The following MAGI2 variants were observed in gnomAD, a reference collection of about 807,000 sequenced individuals.
The protein encoded by MAGI2 is membrane associated guanylate kinase, WW and PDZ domain containing 2.
MAGI2 carries 35 observed loss-of-function variants against 133.3 expected under a neutral mutation model. That is an observed-to-expected ratio of 0.26 (90% confidence interval 0.20 to 0.35). The LOEUF is 0.35. MAGI2 is among the 10% of genes least tolerant of loss of function. The pLI is 1.00. For missense variants in MAGI2, 1,636 were observed against 1,863.4 expected (o/e 0.88, Z 2.25); for synonymous variants, 729 against 710.6 (o/e 1.03, Z -0.41).
At chr7:79,212,699 T>G (rs1391437111) in intron 1 of MAGI2, among the ~76,000 whole-genome samples, 1 of 152,088 alleles carries the variant, frequency 6.6e-6, no homozygotes, top group African/African-American at 2.4e-5. Context: ...TCTCTTTTAT[T>G]CTAATAAATC....
At chr7:78,566,286 C>T (rs573898930) in intron 3 of MAGI2, among the ~76,000 whole-genome samples, 52 of 152,202 alleles carry the variant, frequency 3.4e-4, no homozygotes, top group African/African-American at 1.3e-3. Context: ...TAAGAGAAGG[C>T]TGGAACAGAT....
At chr7:78,439,960 C>T (rs995117342) in intron 6 of MAGI2, among the ~76,000 whole-genome samples, 1 of 151,444 alleles carries the variant, frequency 6.6e-6, no homozygotes, top group East Asian at 1.9e-4. Context: ...AATATTTTGG[C>T]TATATTGGAC....
chr7:79,180,596 G>A (rs1250078565), intron 1 of MAGI2, among the ~76,000 whole-genome samples: 1 of 151,854 alleles, frequency 6.6e-6, no homozygotes, highest in African/African-American at 2.4e-5. Context: ...CAAGAGATTT[G>A]GGCAGGGACA....
chr7:79,199,450 TA>T (rs1382090683), intron 1 of MAGI2, among the ~76,000 whole-genome samples: 5 of 152,150 alleles, frequency 3.3e-5, no homozygotes, highest in African/African-American at 1.2e-4. Context: ...TTAGCATCCC[TA>T]ATTTGCAGCG....
intron 2 of MAGI2, among the ~76,000 whole-genome samples, chr7:78,856,602 T>C (rs575389233): frequency 2.0e-5 from 3 of 152,162 alleles, no homozygotes; most frequent in Non-Finnish European, 2.9e-5. Context: ...TTCTGTTCCA[T>C]TGGTCTATAT....
intron 2 of MAGI2, among the ~76,000 whole-genome samples, chr7:78,986,956 C>T (rs887115940): frequency 2.0e-5 from 3 of 151,816 alleles, no homozygotes. Flanking sequence ...GAAAGAGAGA[C>T]GATGGACAGC....
intron 1 of MAGI2, among the ~76,000 whole-genome samples, chr7:79,218,280 T>C (rs1289726242): frequency 6.6e-6 from 1 of 152,012 alleles, no homozygotes; most frequent in African/African-American, 2.4e-5. Context: ...CTCCAACTAG[T>C]GACTTTTTCC....
chr7:78,373,971 T>C lies in MAGI2; in HGVS notation c.1046-4758A>G, dbSNP rs983322367. Among the ~76,000 whole-genome samples, 11 of 152,358 alleles carry C rather than the reference T, an allele frequency of 7.2e-5. No homozygotes were observed. The East Asian group carries it at 2.1e-3, about 29-fold the overall frequency. On this transcript the variant is annotated intron_variant, in intron 6 of 21. Coordinates refer to ENST00000354212, the MANE Select transcript of MAGI2 (RefSeq NM_012301.4). The stretch of plus-strand genomic sequence containing the variant: ...TGCATAGTATTCCATGGTGCATATA[T>C]ACCACATTTTCTTTATCCAATCCAC...
rs374366124 is a variant in MAGI2, at chr7:78,619,242, T to C, written c.538+7878A>G. ...ATGTGTACAAGAGTTAGTAAATCAT[T>C]GTAATTAAAGACATGAGTGTAAGAA... On this transcript the variant is annotated intron_variant, in intron 3 of 21. Coordinates refer to ENST00000354212, the MANE Select transcript of MAGI2 (RefSeq NM_012301.4). Among the ~76,000 whole-genome samples, 168 of 151,874 alleles carry C rather than the reference T, an allele frequency of 1.1e-3. 2 individuals carry two copies. The highest frequency in any genetic ancestry group is 4.0e-3 in the African/African-American group (164 of 41,502).
At position 79,453,005 on chromosome 7, in the gene MAGI2, AG is replaced by A; in HGVS notation, c.301+14del. 6.5e-7 allele frequency: 1 copy of A among 1,546,776 alleles called. No homozygotes were observed. Among genetic ancestry groups the A allele is most frequent in the Non-Finnish European group, 8.7e-7 (1 of 1,147,584 alleles). ...CCACCGCCCGGCAAAACACTGAGCA[AG>A]CCGCTGCTCTCACCTTGCTTGACAC... On this transcript the variant is annotated intron_variant, in intron 1 of 21. Transcript: ENST00000354212.
chr7:79,268,423 T>A (rs1834637393), intron 1 of MAGI2, among the ~76,000 whole-genome samples: 1 of 152,324 alleles, frequency 6.6e-6, no homozygotes, highest in African/African-American at 2.4e-5. Context: ...GTATTAAGAA[T>A]CTTCATGCTT....
intron 1 of MAGI2, among the ~76,000 whole-genome samples, chr7:79,408,771 T>C (rs1428930978): frequency 3.3e-5 from 5 of 152,058 alleles, no homozygotes; most frequent in Admixed American, 6.6e-5. Flanking sequence ...TTCCTTCAAA[T>C]TCTACATTTA....
At chr7:78,337,383 C>T (rs936529289) in intron 9 of MAGI2, among the ~76,000 whole-genome samples, 1 of 152,186 alleles carries the variant, frequency 6.6e-6, no homozygotes, top group South Asian at 2.1e-4. Context: ...CTCCTGTTCT[C>T]CATACCTTCC....
At chr7:78,618,503 C>T (rs1807350825) in intron 3 of MAGI2, 1 of 151,832 alleles carries the variant, frequency 6.6e-6, no homozygotes, top group Non-Finnish European at 1.5e-5. Context: ...TTTGTTAAAG[C>T]AGTAGGGAGA....
At chr7:79,442,369 A>G (rs1203545473) in intron 1 of MAGI2, among the ~76,000 whole-genome samples, 1 of 152,066 alleles carries the variant, frequency 6.6e-6, no homozygotes, top group Non-Finnish European at 1.5e-5. Context: ...TTTTCCCTAA[A>G]CTAAGGCTGT....
chr7:78,399,432 G>T (rs961648872), intron 6 of MAGI2, among the ~76,000 whole-genome samples: 1 of 152,196 alleles, frequency 6.6e-6, no homozygotes, highest in African/African-American at 2.4e-5. Flanking sequence ...TTCATCTATA[G>T]AATGCTAAGT....
intron 1 of MAGI2, among the ~76,000 whole-genome samples, chr7:79,326,282 C>T (rs1462221108): frequency 6.6e-6 from 1 of 152,072 alleles, no homozygotes; most frequent in Non-Finnish European, 1.5e-5. Context: ...GTCAGTTCTA[C>T]AGGTTTTCAA....
intron 10 of MAGI2, among the ~76,000 whole-genome samples, chr7:78,243,024 A>C (rs905700887): frequency 3.3e-5 from 5 of 152,088 alleles, no homozygotes; most frequent in Non-Finnish European, 4.4e-5. Flanking sequence ...GTGAACTGTG[A>C]TTGTGCCACT....
At chr7:78,474,120 C>T (rs1791504753) in intron 6 of MAGI2, among the ~76,000 whole-genome samples, 1 of 151,998 alleles carries the variant, frequency 6.6e-6, no homozygotes, top group Non-Finnish European at 1.5e-5. Context: ...TTCTCAGACA[C>T]TATCCCATAT....
Sources: allele counts gnomAD v4.1 joint callset (sites outside exome capture counted in the v4.1 genomes callset), GRCh38; gene constraint gnomAD v4.1.1; transcripts MANE v1.5; gene names NCBI Gene and HGNC (gene_info 2026-07-23, HGNC 2026-07-21).